The following SAMD12 variants were observed in gnomAD, a reference collection of about 807,000 sequenced individuals.
SAMD12 encodes sterile alpha motif domain-containing protein 12.
Under a neutral mutation model 15.0 loss-of-function variants are expected in SAMD12, and 9 were observed. That is an observed-to-expected ratio of 0.60 (90% CI 0.36 to 1.05). The LOEUF is 1.05. SAMD12 is among the 50% of genes least tolerant of loss of function. The pLI is 0.01. For missense variants in SAMD12, 230 were observed against 234.2 expected, an observed-to-expected ratio of 0.98 and a Z score of 0.12; for synonymous variants, 86 against 90.1, an observed-to-expected ratio of 0.96 and a Z score of 0.25.
chr8:118,279,650 C>T (rs1813561382), intron 4 of SAMD12, among the ~76,000 whole-genome samples: 1 of 152,350 alleles, frequency 6.6e-6, no homozygotes, highest in South Asian at 2.1e-4. Flanking sequence ...ATGCCCACCA[C>T]TTCCTTGTTT....
chr8:118,455,991 C>T (rs778096453), intron 2 of SAMD12, among the ~76,000 whole-genome samples: 1 of 152,226 alleles, frequency 6.6e-6, no homozygotes, highest in Non-Finnish European at 1.5e-5. Flanking sequence ...TTTCCACCTA[C>T]AGTCTATTGT....
At chr8:118,615,566 C>A (rs2131323494) in intron 1 of SAMD12, among the ~76,000 whole-genome samples, 1 of 152,214 alleles carries the variant, frequency 6.6e-6, no homozygotes, top group South Asian at 2.1e-4. Flanking sequence ...TGCAATATCC[C>A]CTTTCTCATA....
intron 1 of SAMD12, among the ~76,000 whole-genome samples, chr8:118,595,257 G>A (rs1175998133): frequency 6.6e-6 from 1 of 152,110 alleles, no homozygotes; most frequent in South Asian, 2.1e-4. Context: ...TTTAGGGAAG[G>A]ATTTATATTC....
intron 2 of SAMD12, among the ~76,000 whole-genome samples, chr8:118,578,548 C>T (rs1032694719): frequency 8.5e-5 from 13 of 152,124 alleles, no homozygotes; most frequent in Admixed American, 2.0e-4. Context: ...TTCAATTATA[C>T]ACCCAAGAAA....
intron 1 of SAMD12, among the ~76,000 whole-genome samples, chr8:118,602,606 T>A (rs1401154225): frequency 6.6e-6 from 1 of 152,052 alleles, no homozygotes; most frequent in Non-Finnish European, 1.5e-5. Flanking sequence ...AATCAGAAAT[T>A]AAGAGTTCAA....
intron 2 of SAMD12, among the ~76,000 whole-genome samples, chr8:118,561,596 T>TG (rs1826702938): frequency 6.6e-6 from 1 of 152,162 alleles, no homozygotes; most frequent in Non-Finnish European, 1.5e-5. Context: ...AGGGTGAAGG[T>TG]GGGGGAAGAT....
the SAMD12 span, among the ~76,000 whole-genome samples, chr8:118,156,131 G>A: frequency 1.3e-5 from 2 of 152,166 alleles, no homozygotes; most frequent in Non-Finnish European, 2.9e-5. Flanking sequence ...GAATTAGCTG[G>A]GGAATCTGCT....
At chr8:118,389,152 G>A (rs934837082) in intron 3 of SAMD12, among the ~76,000 whole-genome samples, 1 of 152,192 alleles carries the variant, frequency 6.6e-6, no homozygotes, top group African/African-American at 2.4e-5. Context: ...GTGTAAGTGG[G>A]TAAGAATGAT....
At chr8:118,413,187 C>A (rs4876829) in intron 3 of SAMD12, among the ~76,000 whole-genome samples, 141,893 of 151,898 alleles carry the variant, frequency 0.93, 66,553 homozygotes, top group Non-Finnish European at 0.98. Context: ...GCAAATGTAG[C>A]CTAAATCACC....
At chr8:118,529,827 T>G (rs189122078) in intron 2 of SAMD12, among the ~76,000 whole-genome samples, 1 of 152,220 alleles carries the variant, frequency 6.6e-6, no homozygotes, top group East Asian at 1.9e-4. Flanking sequence ...TGAATAGTGC[T>G]GCAATAAACA....
intron 4 of SAMD12, among the ~76,000 whole-genome samples, chr8:118,277,309 A>G (rs1813498022): frequency 6.6e-6 from 1 of 152,186 alleles, no homozygotes; most frequent in African/African-American, 2.4e-5. Flanking sequence ...TCCGTGAAGT[A>G]GAGATTTATG....
intron 4 of SAMD12, among the ~76,000 whole-genome samples, chr8:118,301,338 C>T (rs969809467): frequency 6.6e-6 from 1 of 152,268 alleles, no homozygotes; most frequent in East Asian, 1.9e-4. Flanking sequence ...AAAGCTGTCA[C>T]GATGGAAATG....
At chr8:118,436,883 C>T (rs928207917) in intron 3 of SAMD12, among the ~76,000 whole-genome samples, 15 of 152,312 alleles carry the variant, frequency 9.8e-5, no homozygotes, top group Admixed American at 3.9e-4. Flanking sequence ...TTCATAGCAA[C>T]ACTATGAGGT....
At chr8:118,215,069 ATTAT>A (rs1811921098) in intron 4 of SAMD12, among the ~76,000 whole-genome samples, 1 of 152,218 alleles carries the variant, frequency 6.6e-6, no homozygotes, top group African/African-American at 2.4e-5. Context: ...GAAAAAATAT[ATTAT>A]TTTCTTTATA....
At chr8:118,594,021 A>T (rs1827652946) in intron 1 of SAMD12, among the ~76,000 whole-genome samples, 1 of 152,158 alleles carries the variant, frequency 6.6e-6, no homozygotes, top group African/African-American at 2.4e-5. Context: ...TGTCCCCCAC[A>T]CTGATTGCTT....
chr8:118,544,714 C>A (rs1419544093), intron 2 of SAMD12, among the ~76,000 whole-genome samples: 1 of 152,192 alleles, frequency 6.6e-6, no homozygotes, highest in East Asian at 1.9e-4. Context: ...TCTCAACCTT[C>A]ATTCCCTGCT....
intron 3 of SAMD12, chr8:118,394,855 A>G (rs753326426): frequency 2.0e-5 from 3 of 152,278 alleles, no homozygotes; most frequent in Non-Finnish European, 4.4e-5. Flanking sequence ...AGCTCATACC[A>G]TGATGAAGAA....
intron 2 of SAMD12, among the ~76,000 whole-genome samples, chr8:118,493,084 A>C (rs995493474): frequency 6.6e-6 from 1 of 152,222 alleles, no homozygotes; most frequent in Non-Finnish European, 1.5e-5. Flanking sequence ...ATTTGTTAGA[A>C]GTCAATACAA....
intron 3 of SAMD12, among the ~76,000 whole-genome samples, chr8:118,428,932 A>G (rs1342852729): frequency 6.6e-6 from 1 of 152,184 alleles, no homozygotes; most frequent in Non-Finnish European, 1.5e-5. Context: ...ACGTCTTTGC[A>G]CTTCTATACA....
Sources: gnomAD v4.1 joint callset for allele counts (sites outside exome capture counted in the v4.1 genomes callset) on GRCh38, gnomAD v4.1.1 for gene constraint, MANE v1.5 for transcripts, NCBI Gene and HGNC (gene_info 2026-07-23, HGNC 2026-07-21) for gene names.